Variants in EXOC6B observed in about 807,000 individuals in gnomAD.
The protein encoded by EXOC6B is SEC15 homolog B.
In EXOC6B, 54 loss-of-function variants were observed where a neutral mutation model predicts 113.5. The observed-to-expected ratio is 0.48, with a 90% CI of 0.38 to 0.60. The LOEUF (loss-of-function observed/expected upper bound fraction) is 0.60, where lower values mean the gene tolerates loss of function less well. Ranked by LOEUF, EXOC6B falls within the 20% of genes least tolerant of loss-of-function variation. The pLI is 0.00. For synonymous variants in EXOC6B, 357 were observed against 339.0 expected (o/e 1.05, Z -0.58); for missense variants, 797 against 977.5 (o/e 0.82, Z 2.46).
At chr2:72,245,639 G>T (rs903265357) in intron 20 of EXOC6B, among the ~76,000 whole-genome samples, 1 of 152,162 alleles carries the variant, frequency 6.6e-6, no homozygotes, top group Non-Finnish European at 1.5e-5. Context: ...AGTTGCCAGG[G>T]GTTCAGGGAA....
intron 1 of EXOC6B, among the ~76,000 whole-genome samples, chr2:72,767,347 C>A (rs2104928213): frequency 6.6e-6 from 1 of 152,180 alleles, no homozygotes; most frequent in African/African-American, 2.4e-5. Flanking sequence ...AGGAGAATCG[C>A]TTGAAACCGG....
At chr2:72,491,300 T>C (rs571178492) in intron 16 of EXOC6B, among the ~76,000 whole-genome samples, 8 of 152,220 alleles carry the variant, frequency 5.3e-5, no homozygotes, top group African/African-American at 1.7e-4. Flanking sequence ...TTTTTTTTTA[T>C]CTTAATTCAG....
intron 8 of EXOC6B, among the ~76,000 whole-genome samples, chr2:72,520,159 T>C (rs1020244464): frequency 6.6e-6 from 1 of 152,218 alleles, no homozygotes; most frequent in African/African-American, 2.4e-5. Context: ...CAGTTTATCT[T>C]GTTTATTGTT....
rs1238291618 is a variant in EXOC6B, at chr2:72,251,097, T to TTTTTTATTTAATA, written c.2197-66911_2197-66910insTATTAAATAAAAA. ...CCCCCCTTGGCCTTTACTTGCTTAC[T>TTTTTTATTTAATA]TTGTATTTAATATTGGCAATGTCTC... On this transcript the variant is annotated intron_variant, in intron 20 of 21. Transcript: ENST00000272427. Among the ~76,000 whole-genome samples, 494 of 119,304 alleles carry TTTTTTATTTAATA rather than the reference T, an allele frequency of 4.1e-3. 3 individuals are homozygous for TTTTTTATTTAATA. Among genetic ancestry groups the TTTTTTATTTAATA allele is most frequent in the African/African-American group, 0.012 (469 of 37,998 alleles). The allele number at this position is 119,304 out of a possible 152,430, so 78.3% of individuals were successfully genotyped here. A position where few individuals can be genotyped will look rare whatever the true frequency, so the allele number is the denominator to read the frequency against.
At chr2:72,511,062 T>C (rs1700869205) in intron 11 of EXOC6B, among the ~76,000 whole-genome samples, 1 of 152,128 alleles carries the variant, frequency 6.6e-6, no homozygotes, top group African/African-American at 2.4e-5. Flanking sequence ...CTTGGTTACA[T>C]ACGTAAAATG....
chr2:72,536,144 A>T (rs934370449), intron 8 of EXOC6B, among the ~76,000 whole-genome samples: 1 of 152,154 alleles, frequency 6.6e-6, no homozygotes, highest in African/African-American at 2.4e-5. Flanking sequence ...TGCTATTTTT[A>T]AATTTGTTCT....
intron 20 of EXOC6B, among the ~76,000 whole-genome samples, chr2:72,276,223 C>T (rs1215565320): frequency 1.3e-5 from 2 of 152,114 alleles, no homozygotes; most frequent in Non-Finnish European, 2.9e-5. Flanking sequence ...CCGATGACTG[C>T]ATCACTGCCA....
intron 19 of EXOC6B, among the ~76,000 whole-genome samples, chr2:72,357,087 A>G (rs535637675): frequency 6.6e-6 from 1 of 152,308 alleles, no homozygotes; most frequent in East Asian, 1.9e-4. Flanking sequence ...GACTTCTGGA[A>G]TTCTCTTCAC....
chr2:72,813,397 A>G (rs1686032567), intron 1 of EXOC6B, among the ~76,000 whole-genome samples: 1 of 152,152 alleles, frequency 6.6e-6, no homozygotes, highest in Non-Finnish European at 1.5e-5. Context: ...AATTTTAAAT[A>G]TCAAATAACA....
At chr2:72,485,680 T>C (rs1699388831) in intron 16 of EXOC6B, among the ~76,000 whole-genome samples, 1 of 152,202 alleles carries the variant, frequency 6.6e-6, no homozygotes, top group African/African-American at 2.4e-5. Context: ...ACAAAACATT[T>C]TAACAACGTG....
At chr2:72,272,796 T>C (rs1474194414) in intron 20 of EXOC6B, among the ~76,000 whole-genome samples, 1 of 152,124 alleles carries the variant, frequency 6.6e-6, no homozygotes, top group Non-Finnish European at 1.5e-5. Flanking sequence ...TTGTGCTAAT[T>C]TATGGTAGAA....
intron 6 of EXOC6B, among the ~76,000 whole-genome samples, chr2:72,688,976 G>A (rs1247818113): frequency 1.3e-5 from 2 of 152,174 alleles, no homozygotes; most frequent in African/African-American, 4.8e-5. Flanking sequence ...ATGAGAAAAC[G>A]AGCCTAAAGC....
intron 6 of EXOC6B, among the ~76,000 whole-genome samples, chr2:72,606,632 TTTC>T (rs1399400201): frequency 2.1e-4 from 31 of 144,208 alleles, no homozygotes; most frequent in Non-Finnish European, 3.9e-4. Context: ...ACTTTCTTTC[TTTC>T]TTTTTTTTTT....
chr2:72,225,730 T>G (rs1384281437), intron 20 of EXOC6B, among the ~76,000 whole-genome samples: 2 of 151,826 alleles, frequency 1.3e-5, no homozygotes, highest in African/African-American at 4.8e-5. Context: ...TAAAATACAG[T>G]TTTACATTTT....
chr2:72,768,170 GA>G (rs1397918655), intron 1 of EXOC6B, among the ~76,000 whole-genome samples: 3 of 142,160 alleles, frequency 2.1e-5, no homozygotes, highest in African/African-American at 7.8e-5. Context: ...TGAAACAGAA[GA>G]AAAAAATTAC....
At chr2:72,502,542 T>A (rs2105604166) in intron 11 of EXOC6B, among the ~76,000 whole-genome samples, 1 of 152,286 alleles carries the variant, frequency 6.6e-6, no homozygotes, top group Non-Finnish European at 1.5e-5. Flanking sequence ...AGTGAGACTA[T>A]ATATCAAAAA....
intron 6 of EXOC6B, among the ~76,000 whole-genome samples, chr2:72,652,157 A>G (rs1674216737): frequency 6.6e-6 from 1 of 151,990 alleles, no homozygotes; most frequent in Admixed American, 6.6e-5. Flanking sequence ...TAATGTATTA[A>G]ATTTCAAATT....
chr2:72,537,778 G>A (rs1299166306), intron 8 of EXOC6B, among the ~76,000 whole-genome samples: 2 of 152,052 alleles, frequency 1.3e-5, no homozygotes, highest in Non-Finnish European at 2.9e-5. Flanking sequence ...TAATGAATCA[G>A]GTTGTCCAGA....
chr2:72,710,688 G>A (rs1025065566), intron 6 of EXOC6B, among the ~76,000 whole-genome samples: 13 of 152,150 alleles, frequency 8.5e-5, no homozygotes, highest in African/African-American at 2.7e-4. Context: ...TCAGTCAATA[G>A]TACTGTGCCA....
Sources: allele counts gnomAD v4.1 joint callset (sites outside exome capture counted in the v4.1 genomes callset), GRCh38; gene constraint gnomAD v4.1.1; transcripts MANE v1.5; gene names NCBI Gene and HGNC (gene_info 2026-07-23, HGNC 2026-07-21).